EYS: variants seen among roughly 807,000 people sequenced by gnomAD.
The protein encoded by EYS is protein eyes shut homolog.
In EYS, 250 loss-of-function variants were observed where a neutral mutation model predicts 282.1. The ratio of observed to expected loss-of-function variants is 0.89; its 90% CI spans 0.80 to 0.98. The LOEUF is 0.98. EYS is among the 50% of genes least tolerant of loss of function. The probability of loss-of-function intolerance (pLI) is 0.00; values close to 1 mark genes in which losing one functional copy is unlikely to be tolerated. For synonymous variants in EYS, 1,355 were observed against 1,282.9 expected (o/e 1.06, Z -1.20); for missense variants, 4,016 against 3,709.0 (o/e 1.08, Z -2.15).
intron 22 of EYS, 74 bp from the exon 23 acceptor site, chr6:64,626,319 C>A: frequency 6.8e-7 from 1 of 1,471,452 alleles, no homozygotes; most frequent in Non-Finnish European, 9.0e-7. Context: ...TCTTGGGATT[C>A]CATCATTCAA....
intron 29 of EYS, among the ~76,000 whole-genome samples, chr6:64,308,404 A>T (rs1561920994): frequency 1.3e-5 from 2 of 152,096 alleles, no homozygotes; most frequent in South Asian, 4.1e-4. Context: ...TATATTTATG[A>T]GAAAAAGGGA....
At chr6:65,182,866 G>T (rs555081433) in intron 12 of EYS, among the ~76,000 whole-genome samples, 3 of 151,810 alleles carry the variant, frequency 2.0e-5, no homozygotes, top group Non-Finnish European at 2.9e-5. Context: ...TTGACTCACC[G>T]CATCCTTGAC....
intron 12 of EYS, among the ~76,000 whole-genome samples, chr6:65,145,374 T>C (rs1186473734): frequency 6.6e-6 from 1 of 152,066 alleles, no homozygotes; most frequent in African/African-American, 2.4e-5. Context: ...CTAGTGGAGT[T>C]ATACATTAAA....
intron 26 of EYS, among the ~76,000 whole-genome samples, chr6:64,472,812 A>G (rs1776157783): frequency 6.6e-6 from 1 of 152,122 alleles, no homozygotes; most frequent in African/African-American, 2.4e-5. Flanking sequence ...GCAGCTAAAA[A>G]TCACTGTAAT....
chr6:65,627,902 G>T (rs1005070561), intron 2 of EYS, among the ~76,000 whole-genome samples: 3 of 152,334 alleles, frequency 2.0e-5, no homozygotes, highest in Non-Finnish European at 2.9e-5. Flanking sequence ...CAGTCCCATC[G>T]ACCACCCAAG....
chr6:64,108,360 C>T (rs1002684576), intron 31 of EYS, among the ~76,000 whole-genome samples: 2 of 152,002 alleles, frequency 1.3e-5, no homozygotes, highest in African/African-American at 4.8e-5. Flanking sequence ...ATGTTGAGGG[C>T]TGTTGTTTGC....
chr6:64,743,418 T>C (rs1403539948), intron 22 of EYS, among the ~76,000 whole-genome samples: 1 of 152,164 alleles, frequency 6.6e-6, no homozygotes, highest in Non-Finnish European at 1.5e-5. Context: ...CAAACTTCCA[T>C]ATAAATTTTA....
At chr6:63,863,702 G>T (rs1211153773) in intron 36 of EYS, among the ~76,000 whole-genome samples, 1 of 112,602 alleles carries the variant, frequency 8.9e-6, no homozygotes, top group African/African-American at 3.7e-5. Context: ...TTGAGATGGA[G>T]TCTCTCTCTG....
At chr6:64,204,493 A>T (rs1231214819) in intron 31 of EYS, among the ~76,000 whole-genome samples, 3 of 152,160 alleles carry the variant, frequency 2.0e-5, no homozygotes, top group African/African-American at 7.2e-5. Flanking sequence ...GGAATGGGAA[A>T]TATACAATGA....
chr6:63,988,613 C>T (rs1767473759), intron 34 of EYS, among the ~76,000 whole-genome samples: 2 of 151,516 alleles, frequency 1.3e-5, no homozygotes. Context: ...TATAATTATT[C>T]CTAAGGAGAC....
intron 14 of EYS, 130 bp downstream of exon 14, chr6:64,997,452 A>C: frequency 1.2e-6 from 1 of 823,778 alleles, no homozygotes; most frequent in Non-Finnish European, 1.8e-6. Flanking sequence ...CTGTTTTCTA[A>C]CCTTGAGAAG....
At chr6:65,619,924 AG>A (rs1184894246) in intron 2 of EYS, among the ~76,000 whole-genome samples, 3 of 151,110 alleles carry the variant, frequency 2.0e-5, no homozygotes, top group African/African-American at 7.3e-5. Context: ...ATGGTGGATA[AG>A]CTTTTTGATG....
intron 26 of EYS, among the ~76,000 whole-genome samples, chr6:64,508,786 C>A (rs1377673963): frequency 1.3e-5 from 2 of 151,946 alleles, no homozygotes; most frequent in Non-Finnish European, 2.9e-5. Flanking sequence ...CCAGTTGCTA[C>A]CTAAGCTCTC....
chr6:64,483,654 A>G (rs1776499274), intron 26 of EYS, among the ~76,000 whole-genome samples: 1 of 151,564 alleles, frequency 6.6e-6, no homozygotes, highest in African/African-American at 2.4e-5. Context: ...GCCTGCCCCA[A>G]TCTAGTGCCA....
chr6:64,827,450 G>A (rs866839190), intron 19 of EYS, among the ~76,000 whole-genome samples: 11 of 151,830 alleles, frequency 7.2e-5, no homozygotes, highest in Admixed American at 1.3e-4. Context: ...TTTACTTCAT[G>A]AAAATGCCAA....
At chr6:64,787,856 C>A (rs1774071920) in intron 22 of EYS, among the ~76,000 whole-genome samples, 1 of 151,504 alleles carries the variant, frequency 6.6e-6, no homozygotes, top group Non-Finnish European at 1.5e-5. Context: ...TTCAAGCTTT[C>A]TCTTTAATTT....
Position 63,790,413 on chromosome 6 carries a change from C to A in EYS, c.7412-1189G>T, listed in dbSNP as rs539006938. ...GCCTCTGCTTTTCTAAAGGGTCTGC[C>A]ATGGGCCCTGAGCAGGGTTACTTTT... is the stretch of plus-strand genomic sequence containing the variant. On this transcript the variant is annotated intron_variant, in intron 37 of 42. Transcript: ENST00000503581. Among the ~76,000 whole-genome samples, 32 of 152,256 alleles carry A rather than the reference C, an allele frequency of 2.1e-4. No homozygotes were observed. In the South Asian group the frequency reaches 6.4e-3, roughly 31 times the overall value.
chr6:63,860,808 G>A (rs544465466), intron 36 of EYS, among the ~76,000 whole-genome samples: 44 of 152,274 alleles, frequency 2.9e-4, no homozygotes, highest in Admixed American at 2.0e-3. Context: ...GTTTGTCAGG[G>A]TATGGTACTG....
intron 19 of EYS, among the ~76,000 whole-genome samples, chr6:64,883,935 T>C (rs1418900723): frequency 6.6e-6 from 1 of 151,544 alleles, no homozygotes; most frequent in Non-Finnish European, 1.5e-5. Flanking sequence ...ATGTTTATTA[T>C]CTTCTTCCAA....
Sources: gnomAD v4.1 joint callset for allele counts (sites outside exome capture counted in the v4.1 genomes callset) on GRCh38, gnomAD v4.1.1 for gene constraint, MANE v1.5 for transcripts, NCBI Gene and HGNC (gene_info 2026-07-23, HGNC 2026-07-21) for gene names.